GRID2: variants seen among roughly 807,000 people sequenced by gnomAD.
GRID2 encodes the protein glutamate ionotropic receptor delta type subunit 2.
A neutral mutation model predicts 114.8 loss-of-function variants in GRID2; 33 were observed. The observed-to-expected ratio is 0.29, with a 90% confidence interval of 0.22 to 0.38. The LOEUF (loss-of-function observed/expected upper bound fraction) is 0.38. Among genes scored for constraint, GRID2 ranks in the 10% least tolerant of loss-of-function variants. GRID2 has a pLI of 1.00. For synonymous variants in GRID2, 505 were observed against 449.9 expected, an observed-to-expected ratio of 1.12 and a Z score of -1.55; for missense variants, 1,184 against 1,257.7, an observed-to-expected ratio of 0.94 and a Z score of 0.89.
chr4:93,075,700 C>G (rs1197266296), intron 2 of GRID2, among the ~76,000 whole-genome samples: 1 of 151,754 alleles, frequency 6.6e-6, no homozygotes, highest in Non-Finnish European at 1.5e-5. Context: ...AAAAGTACCA[C>G]TTAAAATAGA....
chr4:93,451,541 GT>G (rs1241737926), intron 10 of GRID2, among the ~76,000 whole-genome samples: 1 of 152,062 alleles, frequency 6.6e-6, no homozygotes, highest in Non-Finnish European at 1.5e-5. Context: ...TGTAGACCAT[GT>G]TTTTAATCTT....
chr4:93,604,157 C>A (rs1560806537), intron 13 of GRID2, among the ~76,000 whole-genome samples: 1 of 152,192 alleles, frequency 6.6e-6, no homozygotes, highest in Non-Finnish European at 1.5e-5. Flanking sequence ...ATTCACCTTT[C>A]TAGATGCCAG....
intron 12 of GRID2, among the ~76,000 whole-genome samples, chr4:93,493,564 G>A (rs1038987966): frequency 6.6e-6 from 1 of 150,970 alleles, no homozygotes; most frequent in African/African-American, 2.4e-5. Flanking sequence ...TTTTAATCTA[G>A]TGGTGGGTCC....
At chr4:93,556,835 C>A (rs1002539448) in intron 13 of GRID2, among the ~76,000 whole-genome samples, 1 of 152,058 alleles carries the variant, frequency 6.6e-6, no homozygotes, top group African/African-American at 2.4e-5. Flanking sequence ...TTAAGGGCAG[C>A]CAGAGAGAAA....
chr4:93,523,004 G>A (rs1730486140), intron 13 of GRID2, among the ~76,000 whole-genome samples: 1 of 152,122 alleles, frequency 6.6e-6, no homozygotes, highest in Admixed American at 6.5e-5. Context: ...TGTTGGAGGA[G>A]TGTTGCAGGG....
chr4:93,372,028 G>A (rs1270669946), intron 8 of GRID2, among the ~76,000 whole-genome samples: 2 of 152,124 alleles, frequency 1.3e-5, no homozygotes, highest in Admixed American at 6.6e-5. Context: ...TTACAGGCGT[G>A]AGCCACTGCC....
intron 1 of GRID2, among the ~76,000 whole-genome samples, chr4:92,308,638 T>C (rs902548304): frequency 5.3e-5 from 8 of 152,112 alleles, no homozygotes; most frequent in African/African-American, 1.7e-4. Context: ...AATAATAGAT[T>C]GTAAATGTAA....
intron 2 of GRID2, among the ~76,000 whole-genome samples, chr4:92,770,271 T>C (rs1738477751): frequency 6.6e-6 from 1 of 152,198 alleles, no homozygotes; most frequent in South Asian, 2.1e-4. Context: ...TATCTGAGAC[T>C]ACCTCAGCCT....
At chr4:93,138,819 A>T (rs929270535) in intron 4 of GRID2, among the ~76,000 whole-genome samples, 4 of 152,168 alleles carry the variant, frequency 2.6e-5, no homozygotes, top group African/African-American at 9.7e-5. Context: ...CTTCCTAAAT[A>T]ATGTCCAAAG....
chr4:92,697,015 G>A (rs1734452210), intron 2 of GRID2, among the ~76,000 whole-genome samples: 1 of 152,166 alleles, frequency 6.6e-6, no homozygotes, highest in Admixed American at 6.5e-5. Flanking sequence ...TGACCCTTGT[G>A]AAATGAATTT....
chr4:93,238,535 G>A (rs1251067990), intron 8 of GRID2, 45 bp downstream of exon 8: 2 of 1,534,598 alleles, frequency 1.3e-6, no homozygotes, highest in African/African-American at 2.8e-5. Flanking sequence ...CTATACTATG[G>A]TTTTGCTTGA....
chr4:93,449,544 A>G (rs930077853), intron 10 of GRID2, among the ~76,000 whole-genome samples: 2 of 152,224 alleles, frequency 1.3e-5, no homozygotes, highest in Middle Eastern at 3.4e-3. Flanking sequence ...AGCATTAGCT[A>G]TTCAGGATCA....
intron 1 of GRID2, among the ~76,000 whole-genome samples, chr4:92,539,038 T>C (rs1486252966): frequency 8.3e-6 from 1 of 119,786 alleles, no homozygotes; most frequent in Non-Finnish European, 1.7e-5. Flanking sequence ...CAAGACTCCA[T>C]CTCAAAAAAA....
chr4:93,747,184 A>G (rs1337242821), intron 14 of GRID2, among the ~76,000 whole-genome samples: 2 of 152,112 alleles, frequency 1.3e-5, no homozygotes, highest in African/African-American at 4.8e-5. Flanking sequence ...TGGAGGTTTT[A>G]AAACATGCCT....
intron 8 of GRID2, among the ~76,000 whole-genome samples, chr4:93,395,358 A>G (rs1254663686): frequency 6.6e-6 from 1 of 152,030 alleles, no homozygotes; most frequent in Non-Finnish European, 1.5e-5. Context: ...ATAAGTCCTC[A>G]TTAAGTAAAA....
At chr4:92,658,996 G>A (rs1579785783) in intron 2 of GRID2, among the ~76,000 whole-genome samples, 1 of 148,034 alleles carries the variant, frequency 6.8e-6, no homozygotes, top group Non-Finnish European at 1.5e-5. Flanking sequence ...AAAATTAAAG[G>A]AGTACTGTAG....
intron 8 of GRID2, among the ~76,000 whole-genome samples, chr4:93,289,205 C>T (rs371536271): frequency 7.2e-5 from 11 of 152,170 alleles, no homozygotes; most frequent in African/African-American, 2.4e-4. Flanking sequence ...AACTAGTAGT[C>T]GTTTTGCTTG....
At chr4:92,496,528 A>C (rs951188564) in intron 1 of GRID2, among the ~76,000 whole-genome samples, 1 of 151,866 alleles carries the variant, frequency 6.6e-6, no homozygotes, top group African/African-American at 2.4e-5. Context: ...TCAAGGACTA[A>C]ATTGAAAGAG....
chr4:92,736,828 A>C (rs1017321541), intron 2 of GRID2, among the ~76,000 whole-genome samples: 1 of 152,084 alleles, frequency 6.6e-6, no homozygotes, highest in Non-Finnish European at 1.5e-5. Flanking sequence ...GTTGAATTAT[A>C]TATGGTAAAG....
Sources: allele counts gnomAD v4.1 joint callset (sites outside exome capture counted in the v4.1 genomes callset), GRCh38; gene constraint gnomAD v4.1.1; transcripts MANE v1.5; gene names NCBI Gene and HGNC (gene_info 2026-07-23, HGNC 2026-07-21).